EPAS1: variants seen among roughly 807,000 people sequenced by gnomAD.
EPAS1 encodes the protein endothelial PAS domain-containing protein 1.
A neutral mutation model predicts 87.9 loss-of-function variants in EPAS1; 23 were observed. That is an observed-to-expected ratio of 0.26 (90% CI 0.19 to 0.37). EPAS1 has a LOEUF of 0.37. Ranked by LOEUF, EPAS1 falls within the 10% of genes least tolerant of loss-of-function variation. The pLI is 1.00. For missense variants in EPAS1, 1,138 were observed against 1,120.7 expected, an observed-to-expected ratio of 1.02 and a Z score of -0.22; for synonymous variants, 508 against 444.3, an observed-to-expected ratio of 1.14 and a Z score of -1.80.
chr2:46,384,741 T>C lies in EPAS1; in HGVS notation c.*81T>C. ...CTCTCCGTCTGTTTTTGCAACTAGGTATTTCTAACGCCAGCACACTATTTA... is the reference window on the plus strand; with the variant it reads ...CTCTCCGTCTGTTTTTGCAACTAGGCATTTCTAACGCCAGCACACTATTTA... On this transcript the variant is annotated 3_prime_UTR_variant, in exon 16 of 16. Coordinates refer to ENST00000263734, the MANE Select transcript of EPAS1 (RefSeq NM_001430.5). 1 of 1,540,776 alleles carries C rather than the reference T, an allele frequency of 6.5e-7. No individual in the cohort carries two copies. The highest frequency in any genetic ancestry group is 8.8e-7 in the Non-Finnish European group (1 of 1,139,548).
In EPAS1 at chr2:46,377,910, G is replaced by C. The variant is rs916528817; in HGVS notation, c.1266G>C (p.Glu422Asp). The C allele has an allele frequency of 4.5e-6, 7 of 1,552,904 alleles. No individual in the cohort carries two copies. The African/African-American group carries it at 9.6e-5, about 21-fold the overall frequency. Residue 422 changes from glutamate (E) to aspartate (D), a missense_variant, in exon 10 of 16, where the codon GAG (glutamate) becomes GAC (aspartate). Coordinates refer to ENST00000263734, the MANE Select transcript of EPAS1 (RefSeq NM_001430.5). Reference protein sequence around the residue: ...ISLDFGNQNFEESSAYGKAIL... With the variant: ...ISLDFGNQNFDESSAYGKAIL... ...TCTCCACAGGGAATCAGAACTTCGAGGAGTCCTCAGCCTATGGCAAGGCCA... is the reference window on the plus strand; with the variant it reads ...TCTCCACAGGGAATCAGAACTTCGACGAGTCCTCAGCCTATGGCAAGGCCA...
chr2:46,326,391 T>G (rs1572621540), intron 1 of EPAS1, among the ~76,000 whole-genome samples: 1 of 152,040 alleles, frequency 6.6e-6, no homozygotes, highest in South Asian at 2.1e-4. Context: ...AAAACCATGA[T>G]GAATAGGTGC....
Position 46,378,546 on chromosome 2 carries a change from G to A in EPAS1, c.1444-111G>A, listed in dbSNP as rs1295987021. ...GCCCCTCTACAAATAGTTGTGTGGT[G>A]GAATGGAATTGAACCTTTGGGTCCA... On this transcript the variant is annotated intron_variant, in intron 10 of 15. Coordinates refer to ENST00000263734, the MANE Select transcript of EPAS1 (RefSeq NM_001430.5). The A allele has an allele frequency of 1.4e-5, 12 of 867,798 alleles. No individual in the cohort carries two copies. The East Asian group carries it at 3.0e-4, about 22-fold the overall frequency. The allele number at this position is 867,798 out of a possible 1,614,324, so 53.8% of individuals were successfully genotyped here.
Position 46,347,842 on chromosome 2 carries a change from T to G in EPAS1, c.217+779T>G, listed in dbSNP as rs947775404. Among the ~76,000 whole-genome samples the G allele has an allele frequency of 6.6e-6, 1 of 152,206 alleles. No homozygotes were observed. Among genetic ancestry groups the G allele is most frequent in the Non-Finnish European group, 1.5e-5 (1 of 68,026 alleles). On this transcript the variant is annotated intron_variant, in intron 2 of 15. Transcript: ENST00000263734. This position sits in a 1 kb window ranked among gnomAD's most constrained non-coding sequence, Gnocchi z 4.2. ...TTCTGGTTTCAGATCCTAGGTGACATTCTCGTCAGGGGTGTCAGTTCTGTA... is the reference window on the plus strand; with the variant it reads ...TTCTGGTTTCAGATCCTAGGTGACAGTCTCGTCAGGGGTGTCAGTTCTGTA...
chr2:46,356,843 C>A, intron 4 of EPAS1, 35 bp downstream of exon 4: 1 of 1,498,864 alleles, frequency 6.7e-7, no homozygotes. Flanking sequence ...TTCTTGCCCC[C>A]ACTGGGTGGG....
chr2:46,380,115 A>T lies in EPAS1; in HGVS notation c.1555-112A>T, dbSNP rs1372326407. 6.4e-7 allele frequency: 1 copy of T among 1,570,972 alleles called. No individual in the cohort carries two copies. The highest frequency in any genetic ancestry group is 8.7e-7 in the Non-Finnish European group (1 of 1,155,164). On this transcript the variant is annotated intron_variant, in intron 11 of 15. Coordinates refer to ENST00000263734, the MANE Select transcript of EPAS1 (RefSeq NM_001430.5). This position sits in a 1 kb window ranked among gnomAD's most constrained non-coding sequence, Gnocchi z 4.4. ...CGGGAGCCAGTGGAGGCGTTTGAGCAGCACTGTGAAACAGTGCTTGAGATG... is the reference window on the plus strand; with the variant it reads ...CGGGAGCCAGTGGAGGCGTTTGAGCTGCACTGTGAAACAGTGCTTGAGATG...
At chr2:46,350,368 T>C (rs931076955) in intron 2 of EPAS1, among the ~76,000 whole-genome samples, 1 of 152,254 alleles carries the variant, frequency 6.6e-6, no homozygotes, top group African/African-American at 2.4e-5. Context: ...CAGGTTTTTC[T>C]TTAGAAAAGT....
At position 46,384,647 on chromosome 2, in the gene EPAS1, A is replaced by ACCAGGCCACCTGAG; in HGVS notation, c.2608_*8dup. 6.2e-7 allele frequency: 1 copy of ACCAGGCCACCTGAG among 1,613,772 alleles called. No homozygotes were observed. Among genetic ancestry groups the ACCAGGCCACCTGAG allele is most frequent in the South Asian group, 1.1e-5 (1 of 91,078 alleles). ...GGAGGGGACCTCCTCAGAGCCCTGGACCAGGCCACCTGAGCCAGGCCTTCT... is the reference window on the plus strand; with the variant it reads ...GGAGGGGACCTCCTCAGAGCCCTGGACCAGGCCACCTGAGCCAGGCCACCTGAGCCAGGCCTTCT... On this transcript the variant is annotated stop_gained and frameshift_variant, in exon 16 of 16. Coordinates refer to ENST00000263734, the MANE Select transcript of EPAS1 (RefSeq NM_001430.5). LOFTEE classifies it high-confidence loss of function.
At chr2:46,316,938 A>G (rs542725618) in intron 1 of EPAS1, among the ~76,000 whole-genome samples, 1 of 152,336 alleles carries the variant, frequency 6.6e-6, no homozygotes, top group South Asian at 2.1e-4. Context: ...TCATTTCCAC[A>G]GTGTTCACAC....
chr2:46,331,148 A>G (rs2104857940), intron 1 of EPAS1, among the ~76,000 whole-genome samples: 1 of 152,314 alleles, frequency 6.6e-6, no homozygotes, highest in South Asian at 2.1e-4. Context: ...AACTTGCCCC[A>G]GGTCATAGAG....
At chr2:46,366,900 G>A (rs1684514819) in intron 6 of EPAS1, among the ~76,000 whole-genome samples, 1 of 152,234 alleles carries the variant, frequency 6.6e-6, no homozygotes, top group Non-Finnish European at 1.5e-5. Context: ...GCGTCTACGT[G>A]CCTGCACGTG....
intron 1 of EPAS1, among the ~76,000 whole-genome samples, chr2:46,345,321 T>C (rs771588888): frequency 2.0e-5 from 3 of 152,108 alleles, no homozygotes; most frequent in Non-Finnish European, 2.9e-5. Flanking sequence ...ATACGCAATA[T>C]AGGTTATTTA....
chr2:46,366,361 T>A (rs1326375209), intron 6 of EPAS1, among the ~76,000 whole-genome samples: 1 of 152,224 alleles, frequency 6.6e-6, no homozygotes, highest in African/African-American at 2.4e-5. Flanking sequence ...AAGGCACATC[T>A]CACTCTGAAG....
At chr2:46,373,831 A>C (rs76055408) in intron 7 of EPAS1, among the ~76,000 whole-genome samples, 1,923 of 152,364 alleles carry the variant, frequency 0.013, 20 homozygotes, top group Non-Finnish European at 0.02. Flanking sequence ...TTAGACTAGG[A>C]ATCTTTAATT....
rs1344802648 is a variant in EPAS1 at position 46,381,607 on chromosome 2, G to C, written c.2057G>C (p.Gly686Ala). The stretch of plus-strand genomic sequence containing the variant: ...CTCGGGCTTGGCAGGTCTGCAAAGG[G>C]TTTTGGGGCTCGAGGCCCAGACGTG... Reference protein sequence around the residue: ...VSTFKTRSAKGFGARGPDVLS... With the variant: ...VSTFKTRSAKAFGARGPDVLS... Residue 686 changes from glycine (G) to alanine (A), a missense_variant, in exon 13 of 16, where the codon GGT becomes GCT. By Grantham distance (60) the Gly-to-Ala change is moderately conservative. Around this residue, in one of 4 missense-constraint regions of EPAS1, gnomAD observed 502 missense variants for 427.1 expected, o/e 1.18. Transcript: ENST00000263734. The C allele has an allele frequency of 6.2e-7, 1 of 1,614,030 alleles. No homozygotes were observed. The highest frequency in any genetic ancestry group is 1.7e-5 in the Admixed American group (1 of 60,032).
chr2:46,362,321 G>A (rs1415953144), intron 6 of EPAS1, among the ~76,000 whole-genome samples: 1 of 152,216 alleles, frequency 6.6e-6, no homozygotes, highest in Non-Finnish European at 1.5e-5. Flanking sequence ...GATAATGGCT[G>A]TGCAAGCACT....
At chr2:46,372,615 G>C (rs527703770) in intron 7 of EPAS1, among the ~76,000 whole-genome samples, 3 of 152,328 alleles carry the variant, frequency 2.0e-5, no homozygotes, top group African/African-American at 7.2e-5. Context: ...GTGCTTTTAG[G>C]CTTTTTATGG....
At chr2:46,382,626 C>T in intron 15 of EPAS1, 28 bp downstream of exon 15, 1 of 1,613,708 alleles carries the variant, frequency 6.2e-7, no homozygotes. Context: ...CTGTCACCCC[C>T]ATCCCAGGAT....
At chr2:46,343,400 AG>A (rs1188611533) in intron 1 of EPAS1, among the ~76,000 whole-genome samples, 1 of 152,256 alleles carries the variant, frequency 6.6e-6, no homozygotes, top group African/African-American at 2.4e-5. Flanking sequence ...AACACAGCAC[AG>A]GGAACATCAA....
Sources: allele counts gnomAD v4.1 joint callset (sites outside exome capture counted in the v4.1 genomes callset), GRCh38; gene constraint gnomAD v4.1.1; regional missense constraint gnomAD v4.1.1; non-coding constraint Gnocchi (gnomAD v3.1); transcripts MANE v1.5; gene names NCBI Gene and HGNC (gene_info 2026-07-23, HGNC 2026-07-21).